SUZ12: variants seen among roughly 807,000 people sequenced by gnomAD.
SUZ12 encodes polycomb protein SUZ12.
A neutral mutation model predicts 87.3 loss-of-function variants in SUZ12; 17 were observed. That is an observed-to-expected ratio of 0.19 (90% confidence interval 0.13 to 0.29). SUZ12 has a LOEUF of 0.29. Among genes scored for constraint, SUZ12 ranks in the 10% least tolerant of loss-of-function variants. The pLI is 1.00. For missense variants in SUZ12, 526 were observed against 912.2 expected (o/e 0.58, Z 5.45); for synonymous variants, 253 against 312.4 (o/e 0.81, Z 2.01).
intron 4 of SUZ12, among the ~76,000 whole-genome samples, chr17:31,964,329 GCATACTTTCTAGAACATACTTTTCTAGAA>G (rs1194140971): frequency 0.061 from 9,078 of 147,942 alleles, no homozygotes; most frequent in African/African-American, 0.21. Flanking sequence ...CCAGCCCCTA[GCATACTTTCTAGAACATACTTTTCTAGAA>G]CATACTTTCT....
intron 4 of SUZ12, among the ~76,000 whole-genome samples, chr17:31,953,173 T>C (rs898066587): frequency 1.4e-4 from 21 of 152,120 alleles, no homozygotes; most frequent in African/African-American, 4.8e-4. Context: ...TGGCATGATC[T>C]TGGCTCACTG....
At chr17:31,963,046 A>G (rs1294482226) in intron 4 of SUZ12, among the ~76,000 whole-genome samples, 2 of 152,260 alleles carry the variant, frequency 1.3e-5, no homozygotes, top group African/African-American at 4.8e-5. Context: ...CTGTCTTTTT[A>G]GTAAAATAGC....
intron 4 of SUZ12, chr17:31,965,697 A>G (rs1396959326): frequency 3.9e-5 from 6 of 152,618 alleles, no homozygotes; most frequent in African/African-American, 7.2e-5. Flanking sequence ...GCTTTTCAAA[A>G]TTTCCTTTTG....
intron 4 of SUZ12, among the ~76,000 whole-genome samples, chr17:31,951,294 C>T (rs1334548458): frequency 6.6e-6 from 1 of 152,110 alleles, no homozygotes; most frequent in Non-Finnish European, 1.5e-5. Flanking sequence ...CAAATAAATG[C>T]CTGAGTTTAT....
At chr17:31,986,203 A>C (rs1015437896) in intron 9 of SUZ12, among the ~76,000 whole-genome samples, 1 of 152,106 alleles carries the variant, frequency 6.6e-6, no homozygotes, top group Admixed American at 6.5e-5. Flanking sequence ...CGGCATCCCA[A>C]AGTGCTGGGA....
intron 8 of SUZ12, among the ~76,000 whole-genome samples, chr17:31,976,945 C>CTAAAAT: frequency 6.6e-6 from 1 of 152,152 alleles, no homozygotes; most frequent in Non-Finnish European, 1.5e-5. Context: ...AGGAAACAGA[C>CTAAAAT]CACCACCCAA....
intron 5 of SUZ12, among the ~76,000 whole-genome samples, chr17:31,972,455 CAGACT>C (rs1362153279): frequency 1.3e-5 from 2 of 151,262 alleles, no homozygotes; most frequent in African/African-American, 4.9e-5. Context: ...CTCCTTCGCC[CAGACT>C]AGAGGGCAGT....
At position 31,937,205 on chromosome 17, in the gene SUZ12, C is replaced by T; in HGVS notation, c.-42C>T. The stretch of plus-strand genomic sequence containing the variant: ...ATTGCAGGCGCTTGCTCTCCGGGGC[C>T]GCCCGGCGGGTAGCTGGCGGGGGGA... On this transcript the variant is annotated 5_prime_UTR_variant, in exon 1 of 16. Transcript: ENST00000322652. The T allele has an allele frequency of 7.2e-7, 1 of 1,393,938 alleles. No individual in the cohort carries two copies. Among genetic ancestry groups the T allele is most frequent in the Non-Finnish European group, 9.2e-7 (1 of 1,084,590 alleles). The allele number at this position is 1,393,938 out of a possible 1,614,324, so 86.3% of individuals were successfully genotyped here.
intron 9 of SUZ12, among the ~76,000 whole-genome samples, chr17:31,983,358 C>A: frequency 6.6e-6 from 1 of 150,476 alleles, no homozygotes; most frequent in East Asian, 1.9e-4. Flanking sequence ...TCACTGCAAC[C>A]TCCACCTCCC....
intron 12 of SUZ12, 126 bp downstream of exon 12, chr17:31,994,134 A>G: frequency 1.2e-6 from 1 of 866,536 alleles, no homozygotes; most frequent in Non-Finnish European, 1.7e-6. Flanking sequence ...ATTAAGTACA[A>G]GATAGCATGA....
intron 4 of SUZ12, among the ~76,000 whole-genome samples, chr17:31,950,846 C>G (rs1004485247): frequency 4.6e-5 from 7 of 151,840 alleles, no homozygotes; most frequent in Non-Finnish European, 1.0e-4. Context: ...GTGACGCGAT[C>G]TCAGCTCACT....
chr17:31,965,834 A>G lies in SUZ12; in HGVS notation c.456-313A>G, dbSNP rs970322756. ...TTTTATAGGTAGAACACTAAAACAC[A>G]GTAAATTACCTGGCCTCCAACTTGG... On this transcript the variant is annotated intron_variant, in intron 4 of 15. Coordinates refer to ENST00000322652, the MANE Select transcript of SUZ12 (RefSeq NM_015355.4). 7.3e-5 allele frequency: 16 copies of G among 218,016 alleles called. No homozygotes were observed. In the Admixed American group the frequency reaches 8.7e-4, roughly 12 times the overall value. 13.5% of individuals were successfully genotyped at this position (218,016 alleles called of 1,614,324 possible). A position where few individuals can be genotyped will look rare whatever the true frequency, so the allele number is the denominator to read the frequency against.
intron 4 of SUZ12, among the ~76,000 whole-genome samples, chr17:31,947,931 T>G (rs1906729064): frequency 6.6e-6 from 1 of 152,156 alleles, no homozygotes. Context: ...TATTACCAGT[T>G]TCTTCCATTT....
chr17:31,988,669 T>G (rs1909540538), intron 10 of SUZ12, among the ~76,000 whole-genome samples, 172 bp downstream of exon 10: 1 of 151,542 alleles, frequency 6.6e-6, no homozygotes, highest in Non-Finnish European at 1.5e-5. Flanking sequence ...TTCGGCTCAC[T>G]GCAACCTCTG....
intron 10 of SUZ12, among the ~76,000 whole-genome samples, chr17:31,990,654 C>T (rs539690965): frequency 2.0e-5 from 3 of 152,138 alleles, no homozygotes; most frequent in South Asian, 2.1e-4. Context: ...CATGAGCCAT[C>T]GCGCCCAGCC....
At chr17:31,984,007 AT>A (rs964915679) in intron 9 of SUZ12, among the ~76,000 whole-genome samples, 7 of 152,196 alleles carry the variant, frequency 4.6e-5, no homozygotes, top group Non-Finnish European at 7.4e-5. Flanking sequence ...TCTCATAAGG[AT>A]TTTTTTAAGC....
chr17:31,946,344 AC>A (rs1906635145), intron 3 of SUZ12, among the ~76,000 whole-genome samples: 1 of 151,970 alleles, frequency 6.6e-6, no homozygotes. Context: ...GACCAGCCTG[AC>A]CAACATGGTG....
At position 31,937,158 on chromosome 17, in the gene SUZ12, C is replaced by G. The variant is rs1238024817; in HGVS notation, c.-89C>G. The stretch of plus-strand genomic sequence containing the variant: ...TCCTTCCCCCCTCGGTCCGCCGGAG[C>G]CTGCTGGGGCGAGCGGTTGGTATTG... On this transcript the variant is annotated 5_prime_UTR_variant, in exon 1 of 16. Coordinates refer to ENST00000322652, the MANE Select transcript of SUZ12 (RefSeq NM_015355.4). 11 of 1,173,704 alleles carry G rather than the reference C, an allele frequency of 9.4e-6. No individual in the cohort carries two copies. The highest frequency in any genetic ancestry group is 8.1e-5 in the African/African-American group (5 of 61,636). 72.7% of individuals were successfully genotyped at this position (1,173,704 alleles called of 1,614,324 possible). A position where few individuals can be genotyped will look rare whatever the true frequency, so the allele number is the denominator to read the frequency against.
intron 15 of SUZ12, 49 bp from the exon 16 acceptor site, chr17:31,998,609 T>A: frequency 7.2e-7 from 1 of 1,383,974 alleles, no homozygotes; most frequent in Non-Finnish European, 9.6e-7. Flanking sequence ...CTGTTGCATT[T>A]GACAAAAATG....
Sources: allele counts gnomAD v4.1 joint callset (sites outside exome capture counted in the v4.1 genomes callset), GRCh38; gene constraint gnomAD v4.1.1; transcripts MANE v1.5; gene names NCBI Gene and HGNC (gene_info 2026-07-23, HGNC 2026-07-21).